AGBL4: variants seen among roughly 807,000 people sequenced by gnomAD.
The protein encoded by AGBL4 is AGBL carboxypeptidase 4.
A neutral mutation model predicts 66.4 loss-of-function variants in AGBL4; 58 were observed. That is an observed-to-expected ratio of 0.87 (90% CI 0.71 to 1.09). The LOEUF (loss-of-function observed/expected upper bound fraction) is 1.09. Among genes scored for constraint, AGBL4 ranks in the 50% least tolerant of loss-of-function variants. The pLI is 0.00. For missense variants in AGBL4, 579 were observed against 631.0 expected, an observed-to-expected ratio of 0.92 and a Z score of 0.88; for synonymous variants, 234 against 222.9, an observed-to-expected ratio of 1.05 and a Z score of -0.44.
At chr1:49,930,985 G>T (rs915392433) in intron 1 of AGBL4, among the ~76,000 whole-genome samples, 15 of 152,094 alleles carry the variant, frequency 9.9e-5, no homozygotes, top group African/African-American at 3.1e-4. Flanking sequence ...CAGATGACAT[G>T]ATTGCCTATG....
At chr1:49,835,912 T>C (rs1411828335) in intron 2 of AGBL4, among the ~76,000 whole-genome samples, 1 of 152,186 alleles carries the variant, frequency 6.6e-6, no homozygotes, top group African/African-American at 2.4e-5. Context: ...CACCCTCTTC[T>C]GGTTCTGGCT....
At chr1:48,713,455 C>T (rs770944712) in intron 6 of AGBL4, among the ~76,000 whole-genome samples, 5 of 152,116 alleles carry the variant, frequency 3.3e-5, no homozygotes, top group African/African-American at 4.8e-5. Flanking sequence ...GGGGGTGCTG[C>T]GTCCGCAGTG....
At chr1:49,593,652 T>A (rs754071558) in intron 3 of AGBL4, among the ~76,000 whole-genome samples, 25 of 152,324 alleles carry the variant, frequency 1.6e-4, no homozygotes, top group Admixed American at 8.5e-4. Flanking sequence ...CGCTACTTAT[T>A]GTCTTGCTTG....
At chr1:49,583,610 T>C (rs1221586399) in intron 3 of AGBL4, among the ~76,000 whole-genome samples, 1 of 152,138 alleles carries the variant, frequency 6.6e-6, no homozygotes, top group Non-Finnish European at 1.5e-5. Context: ...TAATTCCAGC[T>C]GGTTATTGTC....
chr1:49,588,976 C>T (rs556722433), intron 3 of AGBL4, among the ~76,000 whole-genome samples: 2 of 152,158 alleles, frequency 1.3e-5, no homozygotes, highest in South Asian at 4.1e-4. Context: ...ATGCATATGT[C>T]CAGGGATGCA....
At chr1:49,779,934 G>A (rs546424970) in intron 2 of AGBL4, among the ~76,000 whole-genome samples, 1 of 150,010 alleles carries the variant, frequency 6.7e-6, no homozygotes, top group Non-Finnish European at 1.5e-5. Flanking sequence ...ATCAAAAGCA[G>A]AAAAAAAAAA....
At chr1:49,346,345 A>G (rs1645633627) in intron 3 of AGBL4, among the ~76,000 whole-genome samples, 1 of 152,180 alleles carries the variant, frequency 6.6e-6, no homozygotes, top group African/African-American at 2.4e-5. Context: ...AACAAGAGGG[A>G]TAAGTAGCAT....
chr1:48,767,328 T>C (rs1038753451), intron 6 of AGBL4, among the ~76,000 whole-genome samples: 1 of 152,210 alleles, frequency 6.6e-6, no homozygotes, highest in African/African-American at 2.4e-5. Context: ...TTGTCATAGA[T>C]GTTCAATAAA....
intron 4 of AGBL4, among the ~76,000 whole-genome samples, chr1:49,081,881 A>G (rs1424743192): frequency 6.6e-6 from 1 of 152,222 alleles, no homozygotes; most frequent in East Asian, 1.9e-4. Flanking sequence ...ATCCATGAAG[A>G]GTAATGACCT....
At chr1:49,519,985 T>C (rs1320509584) in intron 3 of AGBL4, among the ~76,000 whole-genome samples, 2 of 152,132 alleles carry the variant, frequency 1.3e-5, no homozygotes. Context: ...AGGGCCCCAG[T>C]AGTGGTTTAA....
At chr1:49,498,618 T>C (rs190620133) in intron 3 of AGBL4, among the ~76,000 whole-genome samples, 3 of 151,944 alleles carry the variant, frequency 2.0e-5, no homozygotes, top group Admixed American at 2.0e-4. Context: ...TACTGCATAA[T>C]CTGACTCCTA....
At chr1:49,095,431 A>G (rs1645078136) in intron 4 of AGBL4, among the ~76,000 whole-genome samples, 1 of 152,248 alleles carries the variant, frequency 6.6e-6, no homozygotes, top group Non-Finnish European at 1.5e-5. Context: ...GTGACTTCAA[A>G]CTATACTACA....
intron 5 of AGBL4, among the ~76,000 whole-genome samples, chr1:48,942,422 T>C (rs926340455): frequency 6.6e-6 from 1 of 152,092 alleles, no homozygotes; most frequent in Non-Finnish European, 1.5e-5. Context: ...TGACTTAATC[T>C]CTCAAGTCAT....
At chr1:49,388,263 A>G (rs563522500) in intron 3 of AGBL4, among the ~76,000 whole-genome samples, 1 of 152,150 alleles carries the variant, frequency 6.6e-6, no homozygotes, top group Non-Finnish European at 1.5e-5. Flanking sequence ...CTTATAGGCC[A>G]TAGAGTGTCT....
At chr1:49,972,757 A>G (rs866084345) in intron 1 of AGBL4, among the ~76,000 whole-genome samples, 2 of 152,292 alleles carry the variant, frequency 1.3e-5, no homozygotes, top group Middle Eastern at 3.4e-3. Flanking sequence ...TATAAACTAT[A>G]TTGTAGGTAT....
At chr1:49,279,565 T>C (rs1285673830) in intron 3 of AGBL4, among the ~76,000 whole-genome samples, 2 of 151,682 alleles carry the variant, frequency 1.3e-5, no homozygotes, top group Admixed American at 6.6e-5. Context: ...AGAAGACCCG[T>C]CTTTTTTTTT....
At chr1:49,344,799 A>G (rs1294268662) in intron 3 of AGBL4, among the ~76,000 whole-genome samples, 1 of 152,178 alleles carries the variant, frequency 6.6e-6, no homozygotes, top group African/African-American at 2.4e-5. Flanking sequence ...CTTGAACAAG[A>G]TTTTCATGTA....
intron 7 of AGBL4, among the ~76,000 whole-genome samples, chr1:48,662,668 C>T (rs1646126732): frequency 6.6e-6 from 1 of 152,136 alleles, no homozygotes; most frequent in Non-Finnish European, 1.5e-5. Context: ...TTGTCTGATG[C>T]CAAGTGTGCT....
intron 4 of AGBL4, among the ~76,000 whole-genome samples, chr1:49,182,780 C>T (rs1646952287): frequency 1.3e-5 from 2 of 151,830 alleles, no homozygotes; most frequent in South Asian, 2.1e-4. Flanking sequence ...GTGCTAGGCA[C>T]CTTACATATC....
Sources: allele counts gnomAD v4.1 joint callset (sites outside exome capture counted in the v4.1 genomes callset), GRCh38; gene constraint gnomAD v4.1.1; transcripts MANE v1.5; gene names NCBI Gene and HGNC (gene_info 2026-07-23, HGNC 2026-07-21).